CFI: variants seen among roughly 807,000 people sequenced by gnomAD.
CFI encodes complement factor I, also known as C3B/C4B inactivator.
Under a neutral mutation model 78.8 loss-of-function variants are expected in CFI, and 66 were observed. That is an observed-to-expected ratio of 0.84 (90% CI 0.69 to 1.03). CFI has a LOEUF of 1.03. Ranked by LOEUF, CFI falls within the 50% of genes least tolerant of loss-of-function variation. The pLI, the probability that CFI is intolerant of heterozygous loss-of-function variation, is 0.00. For missense variants in CFI, 706 were observed against 704.5 expected (o/e 1.00, Z -0.02); for synonymous variants, 250 against 232.6 (o/e 1.07, Z -0.68).
rs762761680 is a variant in CFI, at chr4:109,749,528, G to A, written c.1015C>T (p.Arg339Ter). 27 of 1,613,392 alleles carry A rather than the reference G, an allele frequency of 1.7e-5. No homozygotes were observed. Among genetic ancestry groups the A allele is most frequent in the South Asian group, 1.1e-4 (10 of 91,054 alleles). The change falls in exon 9 of 13, where the codon CGA becomes TGA. Residue 339 changes from arginine to a stop codon, truncating the protein, a stop_gained. Transcript: ENST00000394634. LOFTEE classifies it high-confidence loss of function. ...VKNRMHIRRK[R>*]IVGGKRAQLG... Reference sequence around the variant, plus strand: ...TGTGCTCGCTTTCCTCCCACAATTCGTTTCCTTCGAATGTGCATTCTGTTT... The same window carrying A: ...TGTGCTCGCTTTCCTCCCACAATTCATTTCCTTCGAATGTGCATTCTGTTT...
chr4:109,757,910 A>G, intron 6 of CFI, 127 bp from the exon 7 acceptor site: 1 of 1,410,758 alleles, frequency 7.1e-7, no homozygotes, highest in Non-Finnish European at 9.5e-7. Context: ...CGGTAATATA[A>G]TTTTTCTATT....
chr4:109,749,757 C>T (rs1399727193), intron 8 of CFI, among the ~76,000 whole-genome samples, 155 bp from the exon 9 acceptor site: 2 of 152,094 alleles, frequency 1.3e-5, no homozygotes, highest in Non-Finnish European at 2.9e-5. Flanking sequence ...CTAAACCATA[C>T]TATTCATCTT....
At chr4:109,742,873 G>A (rs1723976611) in intron 11 of CFI, among the ~76,000 whole-genome samples, 1 of 152,156 alleles carries the variant, frequency 6.6e-6, no homozygotes, top group Admixed American at 6.5e-5. Flanking sequence ...TTCCCTTTTG[G>A]TTGCAGAACT....
intron 1 of CFI, among the ~76,000 whole-genome samples, chr4:109,776,711 G>A (rs1337937493): frequency 2.0e-5 from 3 of 152,168 alleles, no homozygotes; most frequent in African/African-American, 4.8e-5. Flanking sequence ...AATATTAAGG[G>A]CAGCCAGAGA....
At chr4:109,756,948 A>AGAAAGAAAGAAAGAAAGAAAGAAG (rs1561297922) in intron 7 of CFI, among the ~76,000 whole-genome samples, 1 of 150,444 alleles carries the variant, frequency 6.6e-6, no homozygotes, top group Admixed American at 6.6e-5. Flanking sequence ...AAAGAAAGAA[A>AGAAAGAAAGAAAGAAAGAAAGAAG]GAAAGAAAGA....
At chr4:109,793,348 C>T (rs1416302494) in intron 1 of CFI, 1 of 152,136 alleles carries the variant, frequency 6.6e-6, no homozygotes, top group Non-Finnish European at 1.5e-5. Context: ...TGTCTTTTAA[C>T]TCATGTGGGA....
chr4:109,797,112 G>A (rs1201428427), intron 1 of CFI, among the ~76,000 whole-genome samples: 1 of 152,076 alleles, frequency 6.6e-6, no homozygotes, highest in Non-Finnish European at 1.5e-5. Flanking sequence ...ACACAAAATA[G>A]CCAAAACAAT....
intron 1 of CFI, among the ~76,000 whole-genome samples, chr4:109,768,657 A>G (rs1728156264): frequency 6.6e-6 from 1 of 152,172 alleles, no homozygotes; most frequent in Non-Finnish European, 1.5e-5. Flanking sequence ...TGTCCCCCAG[A>G]GCTTCCTCCT....
intron 10 of CFI, among the ~76,000 whole-genome samples, chr4:109,748,065 C>T (rs1021640002): frequency 6.6e-6 from 1 of 152,148 alleles, no homozygotes; most frequent in African/African-American, 2.4e-5. Context: ...ATAACTTCTG[C>T]TTTCTCAAAC....
At chr4:109,738,371 C>G (rs890767960), downstream of CFI, among the ~76,000 whole-genome samples, 1 of 152,110 alleles carries the variant, frequency 6.6e-6, no homozygotes, top group Non-Finnish European at 1.5e-5. Flanking sequence ...TTTGGTCTCC[C>G]AAAGTGCTGA....
chr4:109,765,348 G>A (rs569859729), intron 2 of CFI, among the ~76,000 whole-genome samples: 2 of 152,346 alleles, frequency 1.3e-5, no homozygotes, highest in East Asian at 3.9e-4. Context: ...TGAAGTGTCT[G>A]TAATAACTTG....
At chr4:109,793,719 C>T (rs1731670470) in intron 1 of CFI, 1 of 152,178 alleles carries the variant, frequency 6.6e-6, no homozygotes, top group Non-Finnish European at 1.5e-5. Context: ...GAGATGGGCT[C>T]CTGCTGTGTT....
chr4:109,776,283 T>C (rs1308819511), intron 1 of CFI, among the ~76,000 whole-genome samples: 1 of 152,174 alleles, frequency 6.6e-6, no homozygotes, highest in Non-Finnish European at 1.5e-5. Flanking sequence ...TTAAATGACC[T>C]GATGGAGCTG....
chr4:109,786,639 G>T (rs1730783308), intron 1 of CFI, among the ~76,000 whole-genome samples: 1 of 151,856 alleles, frequency 6.6e-6, no homozygotes, highest in African/African-American at 2.4e-5. Flanking sequence ...CTTTCTTCTG[G>T]GTACTATTGG....
At chr4:109,743,276 G>A (rs1349503306) in intron 11 of CFI, among the ~76,000 whole-genome samples, 1 of 152,062 alleles carries the variant, frequency 6.6e-6, no homozygotes, top group Non-Finnish European at 1.5e-5. Flanking sequence ...TAGAACAAGA[G>A]CTTTTTTAAA....
rs1731461934 is a variant in CFI, at chr4:109,792,154, T to C, written c.57+9761A>G. 2.6e-5 allele frequency among the ~76,000 whole-genome samples: 4 copies of C among 152,182 alleles called. No individual in the cohort carries two copies. In the South Asian group the frequency reaches 8.3e-4, roughly 32 times the overall value. ...AAATGTGTATTCTGCTATTATTGAGTGCAGAGTTCTATATATGTCTAGTTA... is the reference window on the plus strand; with the variant it reads ...AAATGTGTATTCTGCTATTATTGAGCGCAGAGTTCTATATATGTCTAGTTA... On this transcript the variant is annotated intron_variant, in intron 1 of 12. Transcript: ENST00000394634.
chr4:109,753,058 A>AAATAT (rs1414898769), intron 7 of CFI, among the ~76,000 whole-genome samples: 1 of 2,064 alleles, frequency 4.8e-4, no homozygotes, highest in Non-Finnish European at 2.1e-3. Flanking sequence ...TTATATATTT[A>AAATAT]TATATAAATA....
In CFI at chr4:109,764,827, A is replaced by G; in HGVS notation, c.329-137T>C. 3 of 802,724 alleles carry G rather than the reference A, an allele frequency of 3.7e-6. No individual in the cohort carries two copies. In the South Asian group the frequency reaches 4.9e-5, roughly 13 times the overall value. 49.7% of individuals were successfully genotyped at this position (802,724 alleles called of 1,614,324 possible). ...ATGACGATTTTAACAAGTAATAGTA[A>G]GCAATCATTTTACGAGTATTTATTA... On this transcript the variant is annotated intron_variant, in intron 2 of 12. Transcript: ENST00000394634.
intron 1 of CFI, among the ~76,000 whole-genome samples, chr4:109,785,024 A>T (rs1002231216): frequency 1.3e-5 from 2 of 152,010 alleles, no homozygotes; most frequent in African/African-American, 4.8e-5. Context: ...CACCCCCGCA[A>T]GAAGCTACTT....
Sources: allele counts gnomAD v4.1 joint callset (sites outside exome capture counted in the v4.1 genomes callset), GRCh38; gene constraint gnomAD v4.1.1; transcripts MANE v1.5; gene names NCBI Gene and HGNC (gene_info 2026-07-23, HGNC 2026-07-21).